The following RBFOX1 variants were observed in gnomAD, a reference collection of about 807,000 sequenced individuals.
The protein encoded by RBFOX1 is RNA binding fox-1 homolog 1, also known as RNA binding protein fox-1 homolog 1.
RBFOX1 carries 8 observed loss-of-function variants against 57.7 expected under a neutral mutation model. The ratio of observed to expected loss-of-function variants is 0.14; its 90% CI spans 0.08 to 0.25. The LOEUF is 0.25. Ranked by LOEUF, RBFOX1 falls within the 10% of genes least tolerant of loss-of-function variation. RBFOX1 has a pLI of 1.00. For missense variants in RBFOX1, 611 were observed against 548.5 expected, an observed-to-expected ratio of 1.11 and a Z score of -1.14; for synonymous variants, 326 against 222.4, an observed-to-expected ratio of 1.47 and a Z score of -4.15.
intron 3 of RBFOX1, among the ~76,000 whole-genome samples, chr16:6,979,413 A>C (rs982365289): frequency 6.6e-6 from 1 of 152,190 alleles, no homozygotes; most frequent in Admixed American, 6.5e-5. Flanking sequence ...CACTAAATTA[A>C]AGTTGAAGAA....
chr16:6,164,726 C>T lies in RBFOX1; in HGVS notation c.-127+144734C>T, dbSNP rs377470383. ...TTTCTGACCTCTGGTGATCCACCCC[C>T]CTTGGCCTTCCAAAGTGCTGGTGTG... On this transcript the variant is annotated intron_variant, in intron 1 of 15. Coordinates refer to ENST00000550418, the MANE Select transcript of RBFOX1 (RefSeq NM_018723.4). Among the ~76,000 whole-genome samples, 5 of 152,072 alleles carry T rather than the reference C, an allele frequency of 3.3e-5. No homozygotes were observed. In the East Asian group the frequency reaches 5.8e-4, roughly 18 times the overall value.
rs187140208 is a variant in RBFOX1, at chr16:6,793,804, G to A, written c.-16+139154G>A. Among the ~76,000 whole-genome samples, 338 of 152,288 alleles carry A rather than the reference G, an allele frequency of 2.2e-3. 2 individuals are homozygous for A. The highest frequency in any genetic ancestry group is 3.2e-3 in the Non-Finnish European group (215 of 68,024). On this transcript the variant is annotated intron_variant, in intron 3 of 15. Coordinates refer to ENST00000550418, the MANE Select transcript of RBFOX1 (RefSeq NM_018723.4). Reference sequence around the variant, plus strand: ...TTATGTTGGTGTGTGGATTTGGTTGGTTGTTTCTTTGGTTAGTAGAAGGTG... The same window carrying A: ...TTATGTTGGTGTGTGGATTTGGTTGATTGTTTCTTTGGTTAGTAGAAGGTG...
chr16:5,985,396 A>C (rs939339102), intron 4 of RBFOX1, among the ~76,000 whole-genome samples: 1 of 152,090 alleles, frequency 6.6e-6, no homozygotes, highest in African/African-American at 2.4e-5. Context: ...CCTTCTCTCC[A>C]CAGTCCTGTA....
At chr16:7,015,530 A>G (rs967172106) in intron 3 of RBFOX1, among the ~76,000 whole-genome samples, 5 of 152,224 alleles carry the variant, frequency 3.3e-5, no homozygotes, top group African/African-American at 1.2e-4. Context: ...CAAATCAAGC[A>G]TCAATTAATT....
At chr16:7,384,846 G>T (rs1039116742) in intron 4 of RBFOX1, among the ~76,000 whole-genome samples, 1 of 152,182 alleles carries the variant, frequency 6.6e-6, no homozygotes, top group Admixed American at 6.5e-5. Context: ...TTATATTCTA[G>T]TTGAAAGGAG....
At chr16:7,182,835 T>A (rs1379165018) in intron 4 of RBFOX1, among the ~76,000 whole-genome samples, 3 of 152,028 alleles carry the variant, frequency 2.0e-5, no homozygotes, top group Admixed American at 2.0e-4. Flanking sequence ...CATTCCTGAG[T>A]TTTTTATGGC....
At chr16:7,469,320 C>A (rs947097529) in intron 4 of RBFOX1, among the ~76,000 whole-genome samples, 3 of 152,080 alleles carry the variant, frequency 2.0e-5, no homozygotes, top group Non-Finnish European at 4.4e-5. Flanking sequence ...CCTCGGCCTC[C>A]CAAAGTGCTG....
At chr16:6,834,535 A>G (rs1462410397) in intron 3 of RBFOX1, among the ~76,000 whole-genome samples, 2 of 152,174 alleles carry the variant, frequency 1.3e-5, no homozygotes, top group Non-Finnish European at 1.5e-5. Flanking sequence ...TGAATCAGTT[A>G]ATTAATTAAC....
chr16:5,423,561 G>C (rs544825327), intron 1 of RBFOX1, among the ~76,000 whole-genome samples: 1 of 152,140 alleles, frequency 6.6e-6, no homozygotes, highest in African/African-American at 2.4e-5. Context: ...CTGTTGCTGC[G>C]TGTCTCTGAG....
intron 13 of RBFOX1, among the ~76,000 whole-genome samples, chr16:7,672,443 A>G (rs1178372049): frequency 6.6e-6 from 1 of 152,194 alleles, no homozygotes; most frequent in Non-Finnish European, 1.5e-5. Context: ...CTGAGTTTTA[A>G]TTAAAACCTG....
intron 4 of RBFOX1, among the ~76,000 whole-genome samples, chr16:7,444,979 C>T (rs1346969539): frequency 6.6e-6 from 1 of 152,000 alleles, no homozygotes; most frequent in East Asian, 1.9e-4. Flanking sequence ...CATGTTCTAA[C>T]TCTTATTGCT....
At chr16:7,362,146 GTGTGTTAGTGTATGT>G (rs1233840791) in intron 4 of RBFOX1, among the ~76,000 whole-genome samples, 2 of 151,520 alleles carry the variant, frequency 1.3e-5, no homozygotes, top group African/African-American at 4.9e-5. Context: ...GTTAGTGTAT[GTGTGTTAGTGTATGT>G]TTTGTATGCT....
At chr16:6,947,646 G>C (rs2079829816) in intron 3 of RBFOX1, among the ~76,000 whole-genome samples, 1 of 152,198 alleles carries the variant, frequency 6.6e-6, no homozygotes, top group Non-Finnish European at 1.5e-5. Context: ...ATGGATTTAA[G>C]TTCTGTTCTA....
chr16:6,729,814 T>C (rs775076896), intron 3 of RBFOX1, among the ~76,000 whole-genome samples: 2 of 152,170 alleles, frequency 1.3e-5, no homozygotes, highest in Non-Finnish European at 2.9e-5. Flanking sequence ...AGCAGAGATA[T>C]TTCTCCTGGT....
intron 3 of RBFOX1, among the ~76,000 whole-genome samples, chr16:6,994,945 T>TTGTGTGTGTGTGTGTGTGTG (rs145095044): frequency 2.0e-5 from 3 of 147,994 alleles, no homozygotes; most frequent in African/African-American, 7.5e-5. Flanking sequence ...TTGCATTATT[T>TTGTGTGTGTGTGTGTGTGTG]TGTGTGTGTG....
chr16:7,303,767 C>T lies in RBFOX1; in HGVS notation c.28-214380C>T, dbSNP rs529519328. Among the ~76,000 whole-genome samples the T allele has an allele frequency of 1.0e-4, 15 of 149,258 alleles. No homozygotes were observed. The East Asian group carries it at 2.4e-3, about 24-fold the overall frequency. ...CTCTTTACCCTCCCTCTCGCTCTCT[C>T]TCTCTCTCTCTCTCTGTCTCTCCCC... On this transcript the variant is annotated intron_variant, in intron 4 of 15. Transcript: ENST00000550418.
intron 1 of RBFOX1, among the ~76,000 whole-genome samples, chr16:6,157,565 C>G (rs1023624534): frequency 1.6e-4 from 25 of 152,106 alleles, no homozygotes; most frequent in African/African-American, 5.1e-4. Flanking sequence ...TTTTTGGACT[C>G]TTATTTGAAA....
At chr16:6,505,417 A>T (rs1301907847) in intron 2 of RBFOX1, among the ~76,000 whole-genome samples, 1 of 152,226 alleles carries the variant, frequency 6.6e-6, no homozygotes, top group African/African-American at 2.4e-5. Flanking sequence ...TTTGGAAACA[A>T]AATGCTCCCA....
In RBFOX1 at chr16:7,337,432, G is replaced by A. The variant is rs545154534; in HGVS notation, c.28-180715G>A. On this transcript the variant is annotated intron_variant, in intron 4 of 15. Transcript: ENST00000550418. ...CTTGTTTAGTAGAGCAGAGAACTTG[G>A]GTGAATTCATGGAGTTGGCTTGTGA... Among the ~76,000 whole-genome samples the A allele has an allele frequency of 9.2e-5, 14 of 152,234 alleles. No homozygotes were observed. In the Middle Eastern group the frequency reaches 0.01, roughly 111 times the overall value.
Sources: gnomAD v4.1 joint callset for allele counts (sites outside exome capture counted in the v4.1 genomes callset) on GRCh38, gnomAD v4.1.1 for gene constraint, MANE v1.5 for transcripts, NCBI Gene and HGNC (gene_info 2026-07-23, HGNC 2026-07-21) for gene names.